The following FOXP1 variants were observed in gnomAD, a reference collection of about 807,000 sequenced individuals.
FOXP1 encodes the protein forkhead box protein P1.
FOXP1 carries 15 observed loss-of-function variants against 98.2 expected under a neutral mutation model. That is an observed-to-expected ratio of 0.15 (90% CI 0.10 to 0.24). The LOEUF is 0.24. FOXP1 is among the 10% of genes least tolerant of loss of function. The pLI is 1.00. For missense variants in FOXP1, 633 were observed against 848.5 expected (o/e 0.75, Z 3.15); for synonymous variants, 371 against 314.5 (o/e 1.18, Z -1.90).
chr3:71,369,634 C>T (rs1326393105), intron 3 of FOXP1, among the ~76,000 whole-genome samples: 1 of 152,098 alleles, frequency 6.6e-6, no homozygotes, highest in East Asian at 1.9e-4. Context: ...ACCTCGTGAT[C>T]CGCCCGCCTC....
chr3:71,505,459 C>T (rs1017357053), intron 2 of FOXP1, among the ~76,000 whole-genome samples: 2 of 139,908 alleles, frequency 1.4e-5, no homozygotes, highest in African/African-American at 2.7e-5. Flanking sequence ...CTCACTCCGT[C>T]GCCCAGGCTG....
intron 19 of FOXP1, chr3:70,970,514 C>A (rs1194920804): frequency 1.8e-6 from 1 of 550,494 alleles, no homozygotes. Flanking sequence ...AATAAGTGAA[C>A]TTTTAATTTT....
At chr3:71,010,443 A>G (rs951038229) in intron 12 of FOXP1, among the ~76,000 whole-genome samples, 2 of 152,172 alleles carry the variant, frequency 1.3e-5, no homozygotes, top group African/African-American at 4.8e-5. Context: ...ACTGTTTGTG[A>G]GGATTAAATG....
chr3:71,289,556 T>C (rs1356290792), intron 5 of FOXP1: 1 of 152,110 alleles, frequency 6.6e-6, no homozygotes, highest in Non-Finnish European at 1.5e-5. Flanking sequence ...GATGACTTTC[T>C]GGTTCACAAT....
chr3:71,202,924 C>A (rs1225765777), intron 5 of FOXP1, among the ~76,000 whole-genome samples: 1 of 152,136 alleles, frequency 6.6e-6, no homozygotes, highest in Non-Finnish European at 1.5e-5. Context: ...GGACGTTGCA[C>A]CCTCTTTTCT....
chr3:71,042,226 G>A (rs762949726), intron 10 of FOXP1, among the ~76,000 whole-genome samples: 9 of 152,076 alleles, frequency 5.9e-5, no homozygotes, highest in Non-Finnish European at 1.0e-4. Flanking sequence ...TAGATCAATG[G>A]TAATGAACCA....
chr3:71,234,761 TG>T (rs1350726135), intron 5 of FOXP1, among the ~76,000 whole-genome samples: 6 of 152,122 alleles, frequency 3.9e-5, no homozygotes, highest in African/African-American at 1.4e-4. Flanking sequence ...TGATTGAAAA[TG>T]GAAGCACTGT....
intron 6 of FOXP1, chr3:71,130,450 A>C: frequency 6.4e-7 from 1 of 1,574,458 alleles, no homozygotes; most frequent in East Asian, 2.2e-5. Flanking sequence ...TCCCTAGTTT[A>C]AAAGTTTAAC....
chr3:71,219,646 A>G (rs1414860267), intron 5 of FOXP1, among the ~76,000 whole-genome samples: 1 of 152,248 alleles, frequency 6.6e-6, no homozygotes, highest in African/African-American at 2.4e-5. Context: ...TGTCTTTCAT[A>G]TATTTTTAAT....
At chr3:71,480,575 A>T (rs780468281) in intron 3 of FOXP1, among the ~76,000 whole-genome samples, 1 of 152,230 alleles carries the variant, frequency 6.6e-6, no homozygotes, top group South Asian at 2.1e-4. Context: ...TCAATAAAAC[A>T]TATCTCTATG....
intron 2 of FOXP1, among the ~76,000 whole-genome samples, chr3:71,565,786 G>A (rs895674904): frequency 1.3e-5 from 2 of 152,124 alleles, no homozygotes; most frequent in Non-Finnish European, 2.9e-5. Context: ...TGTTGGGTTT[G>A]GATGTTTAAA....
rs112812873 is a variant in FOXP1 at position 71,161,816 on chromosome 3, TAAC to T, written c.180+36383_180+36385del. On this transcript the variant is annotated intron_variant, in intron 6 of 20. Transcript: ENST00000649528. ...AAGTGGTTATAATTTTAGCATCACT[TAAC>T]AACACATTCAGATGTCCTTAGAGGG... Among the ~76,000 whole-genome samples, 601 of 152,294 alleles carry T rather than the reference TAAC, an allele frequency of 3.9e-3. 2 individuals are homozygous for T. Among genetic ancestry groups the T allele is most frequent in the African/African-American group, 0.013 (525 of 41,566 alleles).
At chr3:71,341,182 C>A (rs79926080) in intron 4 of FOXP1, among the ~76,000 whole-genome samples, 213 of 152,320 alleles carry the variant, frequency 1.4e-3, no homozygotes, top group Non-Finnish European at 2.5e-3. Flanking sequence ...AGAATATACA[C>A]TCTTCTCAAG....
Position 70,956,409 on chromosome 3 carries a change from A to ATTT in FOXP1, c.*2835_*2837dup. 4.6e-6 allele frequency: 1 copy of ATTT among 219,294 alleles called. No homozygotes were observed. Among genetic ancestry groups the ATTT allele is most frequent in the African/African-American group, 2.3e-5 (1 of 43,256 alleles). The allele number at this position is 219,294 out of a possible 1,614,324, so 13.6% of individuals were successfully genotyped here. On this transcript the variant is annotated 3_prime_UTR_variant, in exon 21 of 21. Coordinates refer to ENST00000649528, the MANE Select transcript of FOXP1 (RefSeq NM_001349338.3). ...TACCTGCAAAGATATGTAAAATCTA[A>ATTT]TTTTTCTTTTTTTTTTTTTTTTGCT...
At chr3:71,095,361 A>C (rs1017265450) in intron 7 of FOXP1, among the ~76,000 whole-genome samples, 6 of 152,236 alleles carry the variant, frequency 3.9e-5, no homozygotes, top group African/African-American at 1.4e-4. Flanking sequence ...CTCATGGAAC[A>C]TGCTGTAGTA....
At chr3:71,348,090 TA>T (rs935335434) in intron 4 of FOXP1, among the ~76,000 whole-genome samples, 1 of 152,136 alleles carries the variant, frequency 6.6e-6, no homozygotes, top group Non-Finnish European at 1.5e-5. Flanking sequence ...ATTTTAACAA[TA>T]CTGTAATAGA....
chr3:71,402,393 T>C lies in FOXP1; in HGVS notation c.-167-43149A>G, dbSNP rs2082009606. 2.0e-5 allele frequency among the ~76,000 whole-genome samples: 3 copies of C among 152,162 alleles called. No homozygotes were observed. The South Asian group carries it at 6.2e-4, about 32-fold the overall frequency. ...TCGCTTGAGCCTGGAAGGTTGAGAC[T>C]GCAGTAAACCATGTTTGCGCCACTG... is the stretch of plus-strand genomic sequence containing the variant. On this transcript the variant is annotated intron_variant, in intron 3 of 20. Transcript: ENST00000649528.
intron 5 of FOXP1, among the ~76,000 whole-genome samples, chr3:71,253,971 A>G (rs940286508): frequency 5.9e-5 from 9 of 152,218 alleles, no homozygotes; most frequent in Non-Finnish European, 1.5e-5. Context: ...TGCTATGAAC[A>G]TGTACACCTT....
rs1023994132 is a variant in FOXP1, at chr3:71,333,665, A to T, written c.-73+25485T>A. ...TGGCGAGACGCTGTCCCCACAAAAA[A>T]ATACAAAGAAATAGCTGGGTGTGGT... On this transcript the variant is annotated intron_variant, in intron 4 of 20. Coordinates refer to ENST00000649528, the MANE Select transcript of FOXP1 (RefSeq NM_001349338.3). 7 of 152,128 alleles carry T rather than the reference A, an allele frequency of 4.6e-5. No individual in the cohort carries two copies. The East Asian group carries it at 1.4e-3, about 29-fold the overall frequency. 9.4% of individuals were successfully genotyped at this position (152,128 alleles called of 1,614,324 possible).
Sources: gnomAD v4.1 joint callset for allele counts (sites outside exome capture counted in the v4.1 genomes callset) on GRCh38, gnomAD v4.1.1 for gene constraint, MANE v1.5 for transcripts, NCBI Gene and HGNC (gene_info 2026-07-23, HGNC 2026-07-21) for gene names.